The following CELF2 variants were observed in gnomAD, a reference collection of about 807,000 sequenced individuals.
CELF2 encodes the protein CUGBP Elav-like family member 2, also known as CUG triplet repeat RNA-binding protein 2.
In CELF2, 8 loss-of-function variants were observed where a neutral mutation model predicts 62.6. That is an observed-to-expected ratio of 0.13 (90% CI 0.07 to 0.23). The LOEUF is 0.23. Ranked by LOEUF, CELF2 falls within the 10% of genes least tolerant of loss-of-function variation. The pLI, the probability that CELF2 is intolerant of heterozygous loss-of-function variation, is 1.00. For missense variants in CELF2, 333 were observed against 671.0 expected, an observed-to-expected ratio of 0.50 and a Z score of 5.56; for synonymous variants, 258 against 250.0, an observed-to-expected ratio of 1.03 and a Z score of -0.30.
At chr10:10,939,139 TATCAGTGTGGCCG>T (rs2046743332) in intron 2 of CELF2, among the ~76,000 whole-genome samples, 50 of 123,726 alleles carry the variant, frequency 4.0e-4, no homozygotes, top group Middle Eastern at 4.0e-3. Context: ...ATTAGCAAGT[TATCAGTGTGGCCG>T]CTATTGTAAC....
chr10:11,245,276 G>A (rs1453152657), intron 3 of CELF2, among the ~76,000 whole-genome samples: 3 of 152,096 alleles, frequency 2.0e-5, no homozygotes, highest in Non-Finnish European at 2.9e-5. Flanking sequence ...ACAGTATTAT[G>A]ACAATGACTC....
intron 1 of CELF2, among the ~76,000 whole-genome samples, chr10:10,804,783 C>A (rs2055038757): frequency 6.6e-6 from 1 of 152,176 alleles, no homozygotes; most frequent in African/African-American, 2.4e-5. Context: ...TTGATGCTTT[C>A]TTTTTCATTT....
chr10:10,543,828 A>C, the CELF2 span, among the ~76,000 whole-genome samples: 1 of 152,170 alleles, frequency 6.6e-6, no homozygotes, highest in Non-Finnish European at 1.5e-5. Context: ...AGGGTCCTAC[A>C]GTCTTCTGTG....
intron 1 of CELF2, among the ~76,000 whole-genome samples, chr10:11,150,300 T>C (rs192931678): frequency 6.6e-6 from 1 of 152,340 alleles, no homozygotes; most frequent in African/African-American, 2.4e-5. Flanking sequence ...CTAGTTACTT[T>C]GTGACGCCCC....
rs557074505 is a variant in CELF2 at position 11,287,056 on chromosome 10, G to C, written c.842-1362G>C. 6.6e-5 allele frequency among the ~76,000 whole-genome samples: 10 copies of C among 152,282 alleles called. No individual in the cohort carries two copies. In the South Asian group the frequency reaches 1.9e-3, roughly 28 times the overall value. On this transcript the variant is annotated intron_variant, in intron 8 of 12. Coordinates refer to ENST00000633077, the MANE Select transcript of CELF2 (RefSeq NM_001326342.2). ...CAGGCACTGAGCTGCGCCCGTGGCT[G>C]GGGGCTTACACATGTATGTTGCTAG... is the stretch of plus-strand genomic sequence containing the variant.
In CELF2 at chr10:11,165,374, A is replaced by G. The variant is rs2066766030; in HGVS notation, c.75-112A>G. Reference sequence around the variant, plus strand: ...TCTACGACTCATTAGGCACTTTGCCACTGCTCTTCTTCCTCCTCCTTCCGC... The same window carrying G: ...TCTACGACTCATTAGGCACTTTGCCGCTGCTCTTCTTCCTCCTCCTTCCGC... On this transcript the variant is annotated intron_variant, in intron 1 of 12. Coordinates refer to ENST00000633077, the MANE Select transcript of CELF2 (RefSeq NM_001326342.2). The surrounding 1 kb of genome is among the most constrained non-coding windows in gnomAD (Gnocchi z 7.4). 3 of 1,517,170 alleles carry G rather than the reference A, an allele frequency of 2.0e-6. No homozygotes were observed. Among genetic ancestry groups the G allele is most frequent in the African/African-American group, 2.8e-5 (2 of 71,564 alleles). 94.0% of individuals were successfully genotyped at this position (1,517,170 alleles called of 1,614,324 possible).
chr10:11,113,527 C>T (rs766294620), intron 1 of CELF2, among the ~76,000 whole-genome samples: 6 of 152,190 alleles, frequency 3.9e-5, no homozygotes, highest in Non-Finnish European at 8.8e-5. Flanking sequence ...GCTGGAGATA[C>T]AGTGGTGGAA....
intron 2 of CELF2, among the ~76,000 whole-genome samples, chr10:10,939,277 G>GTGGTGGTGGTGT (rs138349252): frequency 8.3e-5 from 12 of 144,322 alleles, no homozygotes; most frequent in African/African-American, 3.2e-4. Context: ...TTGTTTTGTG[G>GTGGTGGTGGTGT]TGTTGTTGTT....
chr10:10,713,937 A>T, the CELF2 span, among the ~76,000 whole-genome samples: 1 of 152,326 alleles, frequency 6.6e-6, no homozygotes, highest in South Asian at 2.1e-4. Context: ...CAGGAGGCTG[A>T]GGCAGGAGAA....
chr10:10,767,863 G>A, the CELF2 span, among the ~76,000 whole-genome samples: 21,305 of 127,324 alleles, frequency 0.17, 1,997 homozygotes, highest in East Asian at 0.39. Flanking sequence ...GGGCGTGGTG[G>A]CGGGCGCCTG....
In CELF2 at chr10:11,280,434, G is replaced by A. The variant is rs1005463042; in HGVS notation, c.841+5314G>A. The stretch of plus-strand genomic sequence containing the variant: ...CTTTCCCCAAAACCGTTTCTCCCCC[G>A]CATAGGAGGGGAAGGCAGGCAGGTG... On this transcript the variant is annotated intron_variant, in intron 8 of 12. Transcript: ENST00000633077. The surrounding 1 kb of genome is among the most constrained non-coding windows in gnomAD (Gnocchi z 7.6). Among the ~76,000 whole-genome samples the A allele has an allele frequency of 9.2e-5, 14 of 152,292 alleles. No homozygotes were observed. The highest frequency in any genetic ancestry group is 3.9e-4 in the East Asian group (2 of 5,176).
At chr10:10,705,348 G>A in the CELF2 span, among the ~76,000 whole-genome samples, 3 of 142,048 alleles carry the variant, frequency 2.1e-5, no homozygotes, top group Admixed American at 2.2e-4. Flanking sequence ...TCTCTCAGAA[G>A]TCAGCCTCCT....
the CELF2 span, among the ~76,000 whole-genome samples, chr10:10,547,613 C>A: frequency 6.6e-6 from 1 of 151,984 alleles, no homozygotes; most frequent in African/African-American, 2.4e-5. Flanking sequence ...GGCAGCATCA[C>A]CACTACCCAT....
chr10:11,134,437 A>G (rs1204055350), intron 1 of CELF2, among the ~76,000 whole-genome samples: 1 of 152,182 alleles, frequency 6.6e-6, no homozygotes, highest in Admixed American at 6.5e-5. Flanking sequence ...GCTTGCATAG[A>G]ATTAGGTCTT....
the CELF2 span, among the ~76,000 whole-genome samples, chr10:10,508,295 T>A: frequency 1.3e-5 from 2 of 152,224 alleles, no homozygotes; most frequent in East Asian, 3.8e-4. Context: ...CTGACCCCAC[T>A]GAGTGACTCG....
At chr10:11,171,326 G>A (rs1156231480) in intron 2 of CELF2, 1 of 152,220 alleles carries the variant, frequency 6.6e-6, no homozygotes, top group African/African-American at 2.4e-5. Context: ...CCTCGTCTTG[G>A]TCAGGCTGCA....
the CELF2 span, among the ~76,000 whole-genome samples, chr10:10,532,530 T>C: frequency 6.6e-6 from 1 of 152,332 alleles, no homozygotes; most frequent in South Asian, 2.1e-4. Flanking sequence ...GCAAAGTGTA[T>C]TGTGATAAAG....
the CELF2 span, among the ~76,000 whole-genome samples, chr10:10,763,186 T>G: frequency 8.5e-5 from 13 of 152,182 alleles, no homozygotes; most frequent in African/African-American, 3.1e-4. Flanking sequence ...TGAAAAGATA[T>G]CACTAAGTGC....
the CELF2 span, among the ~76,000 whole-genome samples, chr10:10,483,211 T>C: frequency 2.2e-5 from 1 of 44,472 alleles, no homozygotes; most frequent in Non-Finnish European, 4.1e-5. Context: ...ACTGGCAGAA[T>C]ACCAAAAAAA....
Sources: allele counts gnomAD v4.1 joint callset (sites outside exome capture counted in the v4.1 genomes callset), GRCh38; gene constraint gnomAD v4.1.1; non-coding constraint Gnocchi (gnomAD v3.1); transcripts MANE v1.5; gene names NCBI Gene and HGNC (gene_info 2026-07-23, HGNC 2026-07-21).